Variants in GAPVD1 observed in about 807,000 individuals in gnomAD.
GAPVD1 encodes the protein GTPase activating protein and VPS9 domains 1.
A neutral mutation model predicts 155.5 loss-of-function variants in GAPVD1; 35 were observed. The ratio of observed to expected loss-of-function variants is 0.23; its 90% CI spans 0.17 to 0.30. The LOEUF is 0.30. Among genes scored for constraint, GAPVD1 ranks in the 10% least tolerant of loss-of-function variants. GAPVD1 has a pLI of 1.00. For synonymous variants in GAPVD1, 636 were observed against 619.7 expected (o/e 1.03, Z -0.39); for missense variants, 1,429 against 1,775.7 (o/e 0.80, Z 3.51).
intron 2 of GAPVD1, among the ~76,000 whole-genome samples, chr9:125,273,251 T>G (rs1164571920): frequency 6.6e-6 from 1 of 152,220 alleles, no homozygotes; most frequent in African/African-American, 2.4e-5. Context: ...TACTTCTATG[T>G]TATTTGCTTC....
chr9:125,297,017 T>G (rs777784525), intron 3 of GAPVD1, among the ~76,000 whole-genome samples: 2 of 152,186 alleles, frequency 1.3e-5, no homozygotes, highest in African/African-American at 4.8e-5. Context: ...AATATTATGT[T>G]TTGTTATCTG....
chr9:125,285,456 T>TC (rs1185953904), intron 2 of GAPVD1, among the ~76,000 whole-genome samples: 1 of 143,260 alleles, frequency 7.0e-6, no homozygotes, highest in African/African-American at 2.6e-5. Context: ...TTTCTTTGTT[T>TC]TTTTTTTTTT....
At chr9:125,261,992 G>A (rs1832984944) in intron 1 of GAPVD1, 33 bp downstream of exon 1, 2 of 152,600 alleles carry the variant, frequency 1.3e-5, no homozygotes, top group Non-Finnish European at 2.9e-5. Flanking sequence ...TCCGCGGGCT[G>A]TGAGCGGCTC....
At chr9:125,318,222 G>A (rs1041328767) in intron 9 of GAPVD1, among the ~76,000 whole-genome samples, 1 of 152,182 alleles carries the variant, frequency 6.6e-6, no homozygotes, top group Admixed American at 6.5e-5. Context: ...CCTGACCTCA[G>A]GTGATCTGCC....
chr9:125,322,202 C>G (rs1297020492), intron 10 of GAPVD1, among the ~76,000 whole-genome samples: 1 of 152,000 alleles, frequency 6.6e-6, no homozygotes, highest in Admixed American at 6.6e-5. Flanking sequence ...ATAGTTGGGA[C>G]TACAGGCACC....
intron 10 of GAPVD1, among the ~76,000 whole-genome samples, chr9:125,322,166 G>C (rs956241632): frequency 6.6e-6 from 1 of 151,890 alleles, no homozygotes; most frequent in Non-Finnish European, 1.5e-5. Flanking sequence ...CCGGGTTCAC[G>C]CCATTCTCCT....
chr9:125,263,417 C>T (rs563526360), intron 1 of GAPVD1: 7 of 482,544 alleles, frequency 1.5e-5, no homozygotes, highest in African/African-American at 7.9e-5. Context: ...CCACTGCACT[C>T]CAGCCTGGCA....
In GAPVD1 at chr9:125,364,163, G is replaced by A. The variant is rs1275790792; in HGVS notation, c.*1417G>A. ...CAAACAGCCTCGGGCAGATGAACAC[G>A]GAGGCTCTCTGTTGTCTGTCTCTGA... On this transcript the variant is annotated 3_prime_UTR_variant, in exon 28 of 28. Coordinates refer to ENST00000297933, the MANE Select transcript of GAPVD1 (RefSeq NM_001282680.3). 1.3e-5 allele frequency: 2 copies of A among 152,180 alleles called. No homozygotes were observed. The highest frequency in any genetic ancestry group is 4.1e-4 in the South Asian group (2 of 4,832). The allele number at this position is 152,180 out of a possible 1,614,324, so 9.4% of individuals were successfully genotyped here.
rs994467320 is a variant in GAPVD1 at position 125,351,241 on chromosome 9, A to G, written c.3569+369A>G. On this transcript the variant is annotated intron_variant, in intron 23 of 27. Transcript: ENST00000297933. ...ACTTATTCACTATCACGAGAACAGC[A>G]CAGGAAAGACCTGTCCCCATTGATT... 3.9e-5 allele frequency among the ~76,000 whole-genome samples: 6 copies of G among 152,260 alleles called. No individual in the cohort carries two copies. The South Asian group carries it at 6.2e-4, about 16-fold the overall frequency.
At chr9:125,308,950 G>C (rs1041778365) in intron 8 of GAPVD1, 3 of 152,168 alleles carry the variant, frequency 2.0e-5, no homozygotes, top group Non-Finnish European at 2.9e-5. Flanking sequence ...GGTGAAGTCT[G>C]TTTGCACTTT....
chr9:125,285,757 G>A (rs560137534), intron 2 of GAPVD1, among the ~76,000 whole-genome samples: 30 of 151,918 alleles, frequency 2.0e-4, no homozygotes, highest in Admixed American at 3.9e-4. Flanking sequence ...CACTGCACCT[G>A]GCCCATCTGT....
chr9:125,359,618 G>A (rs1158532041), intron 26 of GAPVD1, 126 bp downstream of exon 26: 2 of 619,258 alleles, frequency 3.2e-6, no homozygotes, highest in African/African-American at 3.7e-5. Flanking sequence ...TTCACTCTAT[G>A]TAATTCAGTC....
chr9:125,326,620 A>G (rs1486318122), intron 12 of GAPVD1, 31 bp downstream of exon 12: 1 of 1,520,874 alleles, frequency 6.6e-7, no homozygotes. Context: ...CTGAAATATC[A>G]CGGTTTAGTT....
At chr9:125,268,755 A>G (rs1305121913) in intron 1 of GAPVD1, among the ~76,000 whole-genome samples, 181 bp from the exon 2 acceptor site, 3 of 152,228 alleles carry the variant, frequency 2.0e-5, no homozygotes, top group Admixed American at 2.0e-4. Flanking sequence ...ACTGGTCTCA[A>G]ACTCCTGAGT....
At chr9:125,276,987 A>G (rs1406992968) in intron 2 of GAPVD1, among the ~76,000 whole-genome samples, 1 of 151,840 alleles carries the variant, frequency 6.6e-6, no homozygotes, top group African/African-American at 2.4e-5. Flanking sequence ...TGGTCTTTTG[A>G]ATTCCTGGCC....
chr9:125,318,265 G>A (rs899780161), intron 9 of GAPVD1, among the ~76,000 whole-genome samples: 1 of 152,232 alleles, frequency 6.6e-6, no homozygotes, highest in Admixed American at 6.5e-5. Flanking sequence ...GGGATTAGAG[G>A]CGTGAGCCAC....
At chr9:125,275,017 C>T (rs945624789) in intron 2 of GAPVD1, among the ~76,000 whole-genome samples, 2 of 152,124 alleles carry the variant, frequency 1.3e-5, no homozygotes, top group Non-Finnish European at 2.9e-5. Flanking sequence ...TTAATGATGT[C>T]TGATGGACAT....
Position 125,307,433 on chromosome 9 carries a change from T to C in GAPVD1, c.1137T>C (p.Leu379=). ...AACAGAGCTGTGTTGCCGCTTTCCT[T>C]GATGTTGTGATTGGGGGCCGTGCAG... ...KFDKSCVAAF[L]DVVIGGRAVE... The change falls in exon 7 of 28, where the codon CTT becomes CTC. Residue 379 remains leucine (L), a synonymous_variant. Transcript: ENST00000297933. 1 of 1,607,478 alleles carries C rather than the reference T, an allele frequency of 6.2e-7. No homozygotes were observed. Among genetic ancestry groups the C allele is most frequent in the Non-Finnish European group, 8.5e-7 (1 of 1,177,646 alleles).
At chr9:125,346,418 T>G (rs1848531323) in intron 19 of GAPVD1, 1 of 233,118 alleles carries the variant, frequency 4.3e-6, no homozygotes, top group African/African-American at 2.3e-5. Flanking sequence ...TTGAATAGTT[T>G]TTTTTCCTCC....
Sources: allele counts gnomAD v4.1 joint callset (sites outside exome capture counted in the v4.1 genomes callset), GRCh38; gene constraint gnomAD v4.1.1; transcripts MANE v1.5; gene names NCBI Gene and HGNC (gene_info 2026-07-23, HGNC 2026-07-21).